Variants in SHISA9 observed in about 807,000 individuals in gnomAD.
SHISA9 encodes the protein shisa family member 9.
A neutral mutation model predicts 38.0 loss-of-function variants in SHISA9; 13 were observed. The observed-to-expected ratio is 0.34, with a 90% CI of 0.22 to 0.54. SHISA9 has a LOEUF of 0.54. Among genes scored for constraint, SHISA9 ranks in the 20% least tolerant of loss-of-function variants. SHISA9 has a pLI of 0.91. For missense variants in SHISA9, 538 were observed against 575.8 expected (o/e 0.93, Z 0.67); for synonymous variants, 275 against 242.0 (o/e 1.14, Z -1.27).
the SHISA9 span, among the ~76,000 whole-genome samples, chr16:13,286,622 G>A: frequency 6.6e-6 from 1 of 152,190 alleles, no homozygotes; most frequent in African/African-American, 2.4e-5. Flanking sequence ...CACGTCATCT[G>A]CAAAATATAT....
chr16:13,150,063 G>A (rs2050485246), intron 2 of SHISA9, among the ~76,000 whole-genome samples: 1 of 111,478 alleles, frequency 9.0e-6, no homozygotes, highest in Non-Finnish European at 1.8e-5. Context: ...AAACTAGCCT[G>A]TTTTTCTTAG....
At chr16:13,457,797 A>G in the SHISA9 span, among the ~76,000 whole-genome samples, 1 of 152,052 alleles carries the variant, frequency 6.6e-6, no homozygotes. Flanking sequence ...GGCTCAGGTA[A>G]TTTACGTGAG....
intron 2 of SHISA9, among the ~76,000 whole-genome samples, chr16:12,994,911 T>G (rs1325024079): frequency 1.3e-5 from 2 of 152,098 alleles, no homozygotes; most frequent in East Asian, 3.9e-4. Flanking sequence ...GGTTCCCAAG[T>G]GGAGATATCA....
intron 2 of SHISA9, among the ~76,000 whole-genome samples, chr16:13,167,061 CTCTCT>C (rs2050642882): frequency 7.1e-6 from 1 of 141,510 alleles, no homozygotes; most frequent in Admixed American, 7.3e-5. Context: ...TTCTCTCTCT[CTCTCT>C]TTTTTCTTTT....
At chr16:13,036,158 A>T (rs2073059081) in intron 2 of SHISA9, among the ~76,000 whole-genome samples, 1 of 152,202 alleles carries the variant, frequency 6.6e-6, no homozygotes, top group Non-Finnish European at 1.5e-5. Context: ...AGGTAAATAA[A>T]CACAAATGTC....
chr16:13,246,623 G>A, the SHISA9 span, among the ~76,000 whole-genome samples: 1 of 152,160 alleles, frequency 6.6e-6, no homozygotes. Flanking sequence ...TTCTCTTCTT[G>A]CTGGGGCTCT....
chr16:12,922,443 C>G (rs1158317618), intron 2 of SHISA9, among the ~76,000 whole-genome samples: 1 of 152,218 alleles, frequency 6.6e-6, no homozygotes, highest in African/African-American at 2.4e-5. Context: ...ACCTCATACC[C>G]CAGTGGCTAT....
chr16:13,044,918 T>A (rs1315104136), intron 2 of SHISA9, among the ~76,000 whole-genome samples: 1 of 152,196 alleles, frequency 6.6e-6, no homozygotes, highest in East Asian at 1.9e-4. Flanking sequence ...ATGCTTATAT[T>A]TGCTATTTGA....
At chr16:13,270,273 T>C in the SHISA9 span, among the ~76,000 whole-genome samples, 2 of 152,160 alleles carry the variant, frequency 1.3e-5, no homozygotes, top group Admixed American at 1.3e-4. Context: ...GCGCAAAGCC[T>C]GTAGAATTCT....
chr16:13,269,724 G>T, the SHISA9 span, among the ~76,000 whole-genome samples: 1 of 152,220 alleles, frequency 6.6e-6, no homozygotes, highest in African/African-American at 2.4e-5. Context: ...ACTAGAGGTG[G>T]TATGGATAAA....
chr16:12,995,607 G>A lies in SHISA9; in HGVS notation c.691+78792G>A, dbSNP rs117545495. On this transcript the variant is annotated intron_variant, in intron 2 of 4. Coordinates refer to ENST00000558583, the MANE Select transcript of SHISA9 (RefSeq NM_001145204.3). ...TCAGCCCAGCAGAAAGGATGTGCTC[G>A]GATTCTGAATTTCCTTCCACCTTCC... is the stretch of plus-strand genomic sequence containing the variant. Among the ~76,000 whole-genome samples, 1,518 of 152,244 alleles carry A rather than the reference G, an allele frequency of 1.0e-2. 6 individuals carry two copies. The highest frequency in any genetic ancestry group is 0.026 in the South Asian group (127 of 4,818).
At chr16:13,348,478 G>A in the SHISA9 span, among the ~76,000 whole-genome samples, 5 of 151,930 alleles carry the variant, frequency 3.3e-5, no homozygotes, top group Admixed American at 3.3e-4. Flanking sequence ...ATGTACGGGT[G>A]AGGAATCTGA....
the SHISA9 span, among the ~76,000 whole-genome samples, chr16:13,522,023 A>G: frequency 6.6e-6 from 1 of 152,202 alleles, no homozygotes; most frequent in African/African-American, 2.4e-5. Context: ...ACGGAACTCT[A>G]AAACAACAGC....
chr16:13,010,315 G>A (rs576504844), intron 2 of SHISA9, among the ~76,000 whole-genome samples: 2 of 152,288 alleles, frequency 1.3e-5, no homozygotes, highest in Admixed American at 6.5e-5. Context: ...ATGCATTAAT[G>A]TTTCAAATTG....
intron 2 of SHISA9, among the ~76,000 whole-genome samples, chr16:13,104,742 G>A (rs1246098541): frequency 6.6e-6 from 1 of 152,020 alleles, no homozygotes; most frequent in African/African-American, 2.4e-5. Context: ...ACGTTTTGGG[G>A]GTGCTGAAAA....
the SHISA9 span, among the ~76,000 whole-genome samples, chr16:13,297,565 AAGGGATTCCC>A: frequency 2.0e-5 from 3 of 152,068 alleles, no homozygotes; most frequent in Non-Finnish European, 4.4e-5. Context: ...TATTTAGGAG[AAGGGATTCCC>A]AGCAAGAACG....
chr16:13,188,914 G>C (rs1348963491), intron 2 of SHISA9, among the ~76,000 whole-genome samples: 1 of 152,116 alleles, frequency 6.6e-6, no homozygotes, highest in African/African-American at 2.4e-5. Context: ...AGTAGGATGA[G>C]TCCCTAATCC....
intron 2 of SHISA9, among the ~76,000 whole-genome samples, chr16:13,197,067 G>C (rs1307525596): frequency 6.7e-6 from 1 of 148,878 alleles, no homozygotes; most frequent in Non-Finnish European, 1.5e-5. Flanking sequence ...ACTCCAGCCT[G>C]GGTGACAGAG....
chr16:13,510,097 G>C, the SHISA9 span, among the ~76,000 whole-genome samples: 1 of 152,260 alleles, frequency 6.6e-6, no homozygotes, highest in Admixed American at 6.5e-5. Flanking sequence ...CCTGAGGTCA[G>C]GAGTTCGAGA....
Sources: allele counts gnomAD v4.1 joint callset (sites outside exome capture counted in the v4.1 genomes callset), GRCh38; gene constraint gnomAD v4.1.1; transcripts MANE v1.5; gene names NCBI Gene and HGNC (gene_info 2026-07-23, HGNC 2026-07-21).